Variants in RBPJ observed in about 807,000 individuals in gnomAD.
The protein encoded by RBPJ is recombining binding protein suppressor of hairless.
RBPJ carries 9 observed loss-of-function variants against 67.8 expected under a neutral mutation model. That is an observed-to-expected ratio of 0.13 (90% CI 0.08 to 0.23). The LOEUF (loss-of-function observed/expected upper bound fraction) is 0.23, where lower values mean the gene tolerates loss of function less well. RBPJ is among the 10% of genes least tolerant of loss of function. The probability of loss-of-function intolerance (pLI) is 1.00; values close to 1 mark genes in which losing one functional copy is unlikely to be tolerated. For synonymous variants in RBPJ, 198 were observed against 203.3 expected (o/e 0.97, Z 0.22); for missense variants, 305 against 595.6 (o/e 0.51, Z 5.08).
chr4:26,409,661 A>G (rs1230011781), intron 3 of RBPJ, among the ~76,000 whole-genome samples: 1 of 152,036 alleles, frequency 6.6e-6, no homozygotes, highest in African/African-American at 2.4e-5. Context: ...CACCACGCAC[A>G]GCTAATTTTT....
chr4:26,385,593 A>G lies in RBPJ; in HGVS notation c.21-760A>G, dbSNP rs558804240. On this transcript the variant is annotated intron_variant, in intron 1 of 10. Coordinates refer to ENST00000355476, the MANE Select transcript of RBPJ (RefSeq NM_015874.6). ...TTGCTTTTCTCTTTGCCCTCTCCCA[A>G]CCAGTTGAAATGCTTCTATGTTAGG... 2.2e-4 allele frequency among the ~76,000 whole-genome samples: 33 copies of G among 152,202 alleles called. 1 individual carries two copies. Among genetic ancestry groups the G allele is most frequent in the South Asian group, 1.2e-3 (6 of 4,814 alleles).
chr4:26,172,606 C>G (rs140399862), intron 1 of RBPJ, among the ~76,000 whole-genome samples: 63 of 152,278 alleles, frequency 4.1e-4, no homozygotes, highest in South Asian at 8.3e-4. Flanking sequence ...TAACTTACCA[C>G]TAGAAATCTC....
intron 1 of RBPJ, among the ~76,000 whole-genome samples, chr4:26,279,567 C>T (rs1204161511): frequency 1.3e-5 from 2 of 152,278 alleles, no homozygotes; most frequent in East Asian, 1.9e-4. Flanking sequence ...TGAGCCACCA[C>T]GCCCGGCCTG....
chr4:26,422,984 C>T (rs1735296631), intron 5 of RBPJ, among the ~76,000 whole-genome samples: 1 of 152,174 alleles, frequency 6.6e-6, no homozygotes, highest in Non-Finnish European at 1.5e-5. Context: ...TCTATGGACA[C>T]CCCCTCAACT....
chr4:26,130,804 A>C, the RBPJ span, among the ~76,000 whole-genome samples: 754 of 152,312 alleles, frequency 5.0e-3, 4 homozygotes, highest in Non-Finnish European at 7.6e-3. Flanking sequence ...GTTTTTAAAA[A>C]TCCTTAGGTT....
At chr4:26,260,412 A>G (rs1720487996) in intron 1 of RBPJ, among the ~76,000 whole-genome samples, 1 of 152,192 alleles carries the variant, frequency 6.6e-6, no homozygotes, top group African/African-American at 2.4e-5. Context: ...CAGCTGTGTT[A>G]TACTCAAAAT....
intron 1 of RBPJ, among the ~76,000 whole-genome samples, chr4:26,229,485 C>T (rs796892265): frequency 6.6e-6 from 1 of 152,282 alleles, no homozygotes; most frequent in South Asian, 2.1e-4. Flanking sequence ...TCATGAAAGG[C>T]CATACCGTCC....
intron 1 of RBPJ, among the ~76,000 whole-genome samples, chr4:26,165,806 G>A (rs1716262034): frequency 6.6e-6 from 1 of 150,676 alleles, no homozygotes; most frequent in South Asian, 2.1e-4. Flanking sequence ...ATGCTGGTGT[G>A]CTGCACCCAT....
chr4:26,160,960 G>A (rs539163315), upstream of RBPJ, among the ~76,000 whole-genome samples: 1 of 152,316 alleles, frequency 6.6e-6, no homozygotes, highest in Non-Finnish European at 1.5e-5. Context: ...CCAAATACTA[G>A]CTCTGGATGA....
chr4:26,277,114 TA>T (rs34364319), intron 1 of RBPJ, among the ~76,000 whole-genome samples: 234 of 137,106 alleles, frequency 1.7e-3, no homozygotes, highest in Middle Eastern at 3.6e-3. Flanking sequence ...ACCCCATTTC[TA>T]AAAAAAAAAA....
intron 2 of RBPJ, among the ~76,000 whole-genome samples, chr4:26,396,425 A>G (rs190087964): frequency 3.9e-5 from 6 of 152,252 alleles, no homozygotes; most frequent in South Asian, 2.1e-4. Flanking sequence ...TTAAGTTTGC[A>G]TCAACCAGGA....
chr4:26,194,058 A>G (rs979240795), intron 1 of RBPJ, among the ~76,000 whole-genome samples: 2 of 152,246 alleles, frequency 1.3e-5, no homozygotes, highest in East Asian at 3.9e-4. Context: ...ATTACACCCA[A>G]TTATCCCAGT....
chr4:26,432,923 C>T lies in RBPJ; in HGVS notation c.*1916C>T, dbSNP rs536804878. 48 of 152,292 alleles carry T rather than the reference C, an allele frequency of 3.2e-4. No homozygotes were observed. The highest frequency in any genetic ancestry group is 1.1e-3 in the African/African-American group (46 of 41,564). The allele number at this position is 152,292 out of a possible 1,614,324, so 9.4% of individuals were successfully genotyped here. On this transcript the variant is annotated 3_prime_UTR_variant, in exon 11 of 11. Coordinates refer to ENST00000355476, the MANE Select transcript of RBPJ (RefSeq NM_015874.6). ...CTGTCTTCATCACTCACTCTATGCT[C>T]AGACTATGCCACTGTAAATATTCTT... is the stretch of plus-strand genomic sequence containing the variant.
chr4:26,228,716 T>A (rs550733991), intron 1 of RBPJ, among the ~76,000 whole-genome samples: 1 of 152,226 alleles, frequency 6.6e-6, no homozygotes, highest in Non-Finnish European at 1.5e-5. Context: ...TAGGGGATAA[T>A]CTGGAGCTAG....
intron 1 of RBPJ, chr4:26,362,669 T>G (rs1387079590): frequency 1.3e-6 from 2 of 1,498,714 alleles, no homozygotes; most frequent in East Asian, 2.3e-5. Context: ...AGGTCATGGA[T>G]AGAATGAACA....
chr4:26,362,162 C>A (rs1281448219), intron 1 of RBPJ, among the ~76,000 whole-genome samples: 1 of 152,166 alleles, frequency 6.6e-6, no homozygotes, highest in Non-Finnish European at 1.5e-5. Context: ...TAGCACCTAG[C>A]AAGTCTTCAG....
chr4:26,249,230 G>A lies in RBPJ; in HGVS notation c.-167+85616G>A, dbSNP rs181321405. Among the ~76,000 whole-genome samples, 94 of 152,172 alleles carry A rather than the reference G, an allele frequency of 6.2e-4. 1 individual carries two copies. The highest frequency in any genetic ancestry group is 5.4e-3 in the Admixed American group (83 of 15,294). On this transcript the variant is annotated intron_variant, in intron 1 of 4. Coordinates refer to the RBPJ transcript ENST00000512351. ...AGTAAGCATTTTATTGAATTATAAC[G>A]TGCATACAGCAAAGTATATAAATAA...
intron 1 of RBPJ, among the ~76,000 whole-genome samples, chr4:26,201,731 G>T (rs1321293206): frequency 6.6e-6 from 1 of 152,112 alleles, no homozygotes; most frequent in Non-Finnish European, 1.5e-5. Flanking sequence ...TTTTTCTAAC[G>T]TTCTAAACCA....
At chr4:26,353,933 G>T (rs920636706) in intron 1 of RBPJ, among the ~76,000 whole-genome samples, 1 of 149,796 alleles carries the variant, frequency 6.7e-6, no homozygotes, top group Non-Finnish European at 1.5e-5. Context: ...TTGTTTTTTT[G>T]TTTGTTTGTT....
Sources: gnomAD v4.1 joint callset for allele counts (sites outside exome capture counted in the v4.1 genomes callset) on GRCh38, gnomAD v4.1.1 for gene constraint, MANE v1.5 for transcripts, NCBI Gene and HGNC (gene_info 2026-07-23, HGNC 2026-07-21) for gene names.